The following RASGRF1 variants were observed in gnomAD, a reference collection of about 807,000 sequenced individuals.
RASGRF1 encodes ras-specific guanine nucleotide-releasing factor 1.
In RASGRF1, 40 loss-of-function variants were observed where a neutral mutation model predicts 138.7. The observed-to-expected ratio is 0.29, with a 90% confidence interval of 0.22 to 0.38. RASGRF1 has a LOEUF of 0.38. Ranked by LOEUF, RASGRF1 falls within the 10% of genes least tolerant of loss-of-function variation. RASGRF1 has a pLI of 1.00. For synonymous variants in RASGRF1, 614 were observed against 663.2 expected (o/e 0.93, Z 1.14); for missense variants, 1,108 against 1,650.4 (o/e 0.67, Z 5.69).
chr15:78,966,596 A>G (rs74582811), intron 26 of RASGRF1, among the ~76,000 whole-genome samples: 10,506 of 151,996 alleles, frequency 0.069, 507 homozygotes, highest in East Asian at 0.21. Flanking sequence ...AAGTTGATTT[A>G]TATCTTATTT....
chr15:79,008,947 A>G (rs1391886324), intron 13 of RASGRF1, among the ~76,000 whole-genome samples: 6 of 152,206 alleles, frequency 3.9e-5, no homozygotes, highest in Non-Finnish European at 5.9e-5. Context: ...CCTACAAGAT[A>G]AATGACCCTC....
At chr15:78,968,250 ATGTGTGTGTG>A (rs10529968) in intron 26 of RASGRF1, among the ~76,000 whole-genome samples, 2 of 134,226 alleles carry the variant, frequency 1.5e-5, no homozygotes, top group African/African-American at 2.7e-5. Flanking sequence ...CATGACACTG[ATGTGTGTGTG>A]TGTGTGTGTG....
intron 1 of RASGRF1, among the ~76,000 whole-genome samples, chr15:79,070,893 G>A (rs1474890077): frequency 1.3e-5 from 2 of 152,158 alleles, no homozygotes. Context: ...ACAACTTCAG[G>A]GAAATAGACA....
At chr15:79,022,388 C>T (rs1413643976) in intron 10 of RASGRF1, among the ~76,000 whole-genome samples, 4 of 151,902 alleles carry the variant, frequency 2.6e-5, no homozygotes, top group South Asian at 2.1e-4. Flanking sequence ...TGCAGTGAGC[C>T]GAGATTGCGC....
intron 23 of RASGRF1, chr15:78,981,465 T>C (rs2056028274): frequency 6.6e-6 from 1 of 152,182 alleles, no homozygotes. Context: ...TTCCTCAAGA[T>C]TCAGAATGTG....
At chr15:79,002,509 C>T (rs750848296) in intron 15 of RASGRF1, among the ~76,000 whole-genome samples, 1 of 152,138 alleles carries the variant, frequency 6.6e-6, no homozygotes, top group Non-Finnish European at 1.5e-5. Context: ...TGTCCACAGG[C>T]ACATGCACAC....
At chr15:79,001,827 TTAA>T in intron 15 of RASGRF1, 40 bp from the exon 16 acceptor site, 1 of 1,241,114 alleles carries the variant, frequency 8.1e-7, no homozygotes, top group Non-Finnish European at 1.0e-6. Context: ...TTTCTTAATT[TTAA>T]TTTTAAAATT....
chr15:79,087,500 A>G (rs2141114630), intron 1 of RASGRF1, among the ~76,000 whole-genome samples: 1 of 152,354 alleles, frequency 6.6e-6, no homozygotes, highest in South Asian at 2.1e-4. Flanking sequence ...CCAATTCTTC[A>G]TCAGACACCA....
At chr15:78,980,980 C>T (rs1050536843) in intron 23 of RASGRF1, 1 of 300,832 alleles carries the variant, frequency 3.3e-6, no homozygotes, top group Middle Eastern at 9.0e-4. Flanking sequence ...GCTGCAGGAT[C>T]CCGAGACCTG....
chr15:79,076,465 T>C (rs2057835177), intron 1 of RASGRF1, among the ~76,000 whole-genome samples: 1 of 152,218 alleles, frequency 6.6e-6, no homozygotes, highest in African/African-American at 2.4e-5. Flanking sequence ...CCCATGGTCC[T>C]GGATGCAGCT....
rs1236137223 is a variant in RASGRF1 at position 79,032,628 on chromosome 15, TC to T, written c.959-313del. On this transcript the variant is annotated intron_variant, in intron 6 of 26. Transcript: ENST00000558480. The surrounding 1 kb of genome is among the most constrained non-coding windows in gnomAD (Gnocchi z 4.5). ...TGGGCGCTGTGGGGTGCCACCTGGA[TC>T]CCCCCAGCTGCCAGGAGTGCTGGTG... Among the ~76,000 whole-genome samples the T allele has an allele frequency of 6.6e-6, 1 of 152,022 alleles. No individual in the cohort carries two copies. The highest frequency in any genetic ancestry group is 1.5e-5 in the Non-Finnish European group (1 of 67,984).
intron 1 of RASGRF1, among the ~76,000 whole-genome samples, chr15:79,089,505 G>A (rs778299097): frequency 1.3e-5 from 2 of 152,266 alleles, no homozygotes; most frequent in African/African-American, 4.8e-5. Context: ...GGCGGCGCAG[G>A]GGGCGGGGGA....
intron 4 of RASGRF1, among the ~76,000 whole-genome samples, chr15:79,047,681 G>C (rs1165756332): frequency 6.6e-6 from 1 of 152,164 alleles, no homozygotes; most frequent in Non-Finnish European, 1.5e-5. Flanking sequence ...CTTGGAGCTG[G>C]GCTGCTTGGA....
In RASGRF1 at chr15:79,025,810, G is replaced by T. The variant is rs183396684; in HGVS notation, c.1382-336C>A. Among the ~76,000 whole-genome samples, 178 of 152,182 alleles carry T rather than the reference G, an allele frequency of 1.2e-3. 4 individuals are homozygous for T. In the South Asian group the frequency reaches 0.026, roughly 22 times the overall value. ...GGGGATGGCAGGGAGCTGAACAAGT[G>T]GGGAGCTGGCTGCAGGCCCCGAGGG... On this transcript the variant is annotated intron_variant, in intron 9 of 26. Transcript: ENST00000558480.
At chr15:79,034,477 A>T (rs1192955532) in intron 6 of RASGRF1, among the ~76,000 whole-genome samples, 1 of 152,236 alleles carries the variant, frequency 6.6e-6, no homozygotes, top group African/African-American at 2.4e-5. Flanking sequence ...ACCCATCCCA[A>T]GGAAATGATC....
intron 9 of RASGRF1, among the ~76,000 whole-genome samples, chr15:79,025,791 G>A (rs1188794239): frequency 2.0e-5 from 3 of 152,136 alleles, no homozygotes; most frequent in African/African-American, 7.2e-5. Flanking sequence ...GTCTGGGGAT[G>A]GCAGGGAGCT....
intron 10 of RASGRF1, among the ~76,000 whole-genome samples, chr15:79,020,990 C>G (rs957555812): frequency 3.9e-5 from 6 of 152,158 alleles, no homozygotes; most frequent in African/African-American, 1.4e-4. Flanking sequence ...CACCAACTGG[C>G]ATGTTGTGGG....
chr15:79,027,691 G>A lies in RASGRF1; in HGVS notation c.1381+50C>T. The A allele has an allele frequency of 6.4e-7, 1 of 1,566,262 alleles. No homozygotes were observed. Among genetic ancestry groups the A allele is most frequent in the Non-Finnish European group, 8.8e-7 (1 of 1,140,112 alleles). ...CCCCGAGTGCCGCCTCCCTCCCGCT[G>A]CTGGGGCCCACCTGGTGGGGGCAGG... On this transcript the variant is annotated intron_variant, in intron 9 of 26. Coordinates refer to ENST00000558480, the MANE Select transcript of RASGRF1 (RefSeq NM_001145648.3). The surrounding 1 kb of genome is among the most constrained non-coding windows in gnomAD (Gnocchi z 4.8).
intron 1 of RASGRF1, among the ~76,000 whole-genome samples, chr15:79,074,587 C>T (rs1341099154): frequency 6.6e-6 from 1 of 152,186 alleles, no homozygotes; most frequent in South Asian, 2.1e-4. Flanking sequence ...AGACCCTTAT[C>T]GTGAGCCTCA....
Sources: allele counts gnomAD v4.1 joint callset (sites outside exome capture counted in the v4.1 genomes callset), GRCh38; gene constraint gnomAD v4.1.1; non-coding constraint Gnocchi (gnomAD v3.1); transcripts MANE v1.5; gene names NCBI Gene and HGNC (gene_info 2026-07-23, HGNC 2026-07-21).